GLB1L3: variants seen among roughly 807,000 people sequenced by gnomAD.
GLB1L3 encodes the protein galactosidase beta 1 like 3, also known as beta-galactosidase-1-like protein 3.
GLB1L3 carries 89 observed loss-of-function variants against 89.5 expected under a neutral mutation model. The ratio of observed to expected loss-of-function variants is 0.99; its 90% CI spans 0.84 to 1.19. The LOEUF (loss-of-function observed/expected upper bound fraction) is 1.19, where lower values mean the gene tolerates loss of function less well. Ranked by LOEUF, GLB1L3 falls within the 50% of genes most tolerant of loss-of-function variation. The probability of loss-of-function intolerance (pLI) is 0.00; values close to 1 mark genes in which losing one functional copy is unlikely to be tolerated. For synonymous variants in GLB1L3, 314 were observed against 312.3 expected (o/e 1.01, Z -0.06); for missense variants, 812 against 813.3 (o/e 1.00, Z 0.02).
intron 9 of GLB1L3, among the ~76,000 whole-genome samples, chr11:134,298,528 C>A (rs977891278): frequency 6.6e-6 from 1 of 152,074 alleles, no homozygotes; most frequent in African/African-American, 2.4e-5. Context: ...CCTAGAATTC[C>A]CATGTGTTGT....
intron 9 of GLB1L3, among the ~76,000 whole-genome samples, chr11:134,295,899 T>G (rs1408073452): frequency 6.6e-6 from 1 of 152,182 alleles, no homozygotes. Context: ...GCTGTTTCAT[T>G]TTTGAATCTT....
At position 134,289,682 on chromosome 11, in the gene GLB1L3, A is replaced by G. The variant is rs533600163; in HGVS notation, c.729+792A>G. ...TAAATAATGCTTCAAGAACTTAGTG[A>G]TGGGACTCTCAGCTTGAAGCTTTCT... On this transcript the variant is annotated intron_variant, in intron 7 of 19. Coordinates refer to ENST00000431683, the MANE Select transcript of GLB1L3 (RefSeq NM_001080407.3). Among the ~76,000 whole-genome samples, 389 of 152,326 alleles carry G rather than the reference A, an allele frequency of 2.6e-3. 1 individual carries two copies. Among genetic ancestry groups the G allele is most frequent in the Non-Finnish European group, 3.9e-3 (265 of 68,024 alleles).
chr11:134,312,086 T>G (rs1321345038), intron 13 of GLB1L3: 4 of 397,430 alleles, frequency 1.0e-5, no homozygotes, highest in Non-Finnish European at 1.3e-5. Flanking sequence ...CGTGAGCCCC[T>G]GCGCCCCATC....
At chr11:134,304,227 C>G (rs1314085110) in intron 9 of GLB1L3, among the ~76,000 whole-genome samples, 18 of 152,070 alleles carry the variant, frequency 1.2e-4, no homozygotes, top group Non-Finnish European at 7.4e-5. Context: ...TCTACTTATG[C>G]TGCTATTTGG....
chr11:134,304,991 C>T, intron 9 of GLB1L3: 1 of 966,064 alleles, frequency 1.0e-6, no homozygotes. Flanking sequence ...TGAGAGCCCG[C>T]ATGCGACTGC....
chr11:134,304,533 A>G (rs1188243423), intron 9 of GLB1L3, among the ~76,000 whole-genome samples: 1 of 151,820 alleles, frequency 6.6e-6, no homozygotes. Context: ...CTCTCTGTTC[A>G]TTTTAACTGT....
At chr11:134,302,787 A>G (rs1406158802) in intron 9 of GLB1L3, among the ~76,000 whole-genome samples, 1 of 152,158 alleles carries the variant, frequency 6.6e-6, no homozygotes, top group Non-Finnish European at 1.5e-5. Flanking sequence ...TGTGTTTGTA[A>G]TGAATGTATT....
At chr11:134,314,547 T>C (rs181821895) in intron 18 of GLB1L3, 106 bp downstream of exon 18, 2 of 726,422 alleles carry the variant, frequency 2.8e-6, no homozygotes, top group East Asian at 5.4e-5. Flanking sequence ...CTTTCTTCTT[T>C]TCCTCTTCTT....
chr11:134,308,214 C>CCAT (rs1424313827), intron 10 of GLB1L3, among the ~76,000 whole-genome samples: 2 of 28,580 alleles, frequency 7.0e-5, no homozygotes, highest in Non-Finnish European at 1.5e-4. Flanking sequence ...ACCACCACCA[C>CCAT]CATCACCATC....
chr11:134,315,995 A>G (rs1433280235), intron 18 of GLB1L3, among the ~76,000 whole-genome samples: 1 of 152,202 alleles, frequency 6.6e-6, no homozygotes, highest in Non-Finnish European at 1.5e-5. Context: ...AAATTACATA[A>G]CATAAAATTA....
downstream of GLB1L3, among the ~76,000 whole-genome samples, chr11:134,320,100 T>C (rs557386022): frequency 2.0e-4 from 30 of 152,288 alleles, no homozygotes; most frequent in Non-Finnish European, 3.4e-4. Flanking sequence ...CCAAGCACTT[T>C]CTTATATACA....
chr11:134,312,771 TC>T (rs1942803061), intron 14 of GLB1L3, 44 bp from the exon 15 acceptor site: 1 of 1,518,438 alleles, frequency 6.6e-7, no homozygotes, highest in African/African-American at 1.4e-5. Context: ...CTTCTCCCTT[TC>T]TTCGGGTGGG....
rs1385476433 is a variant in GLB1L3, at chr11:134,309,659, A to G, written c.995A>G (p.Tyr332Cys). 1.2e-6 allele frequency: 2 copies of G among 1,609,408 alleles called. No homozygotes were observed. The highest frequency in any genetic ancestry group is 1.7e-5 in the Admixed American group (1 of 59,754). Residue 332 changes from tyrosine (Y) to cysteine (C), a missense_variant, in exon 11 of 20, where the codon TAT (tyrosine) becomes TGT (cysteine). Transcript: ENST00000431683. ...CATGCTGTGTCTGAATTCATCAAAT[A>G]TGAGATCTCCTTCAATGTATATATG... Reference protein sequence around the residue: ...VEHAVSEFIKYEISFNVYMFH... With the variant: ...VEHAVSEFIKCEISFNVYMFH...
intron 6 of GLB1L3, chr11:134,287,419 TG>T (rs1315731215): frequency 1.4e-4 from 22 of 152,226 alleles, no homozygotes; most frequent in Non-Finnish European, 1.5e-5. Flanking sequence ...TTTACGGAAT[TG>T]GTTGTCATTA....
intron 9 of GLB1L3, among the ~76,000 whole-genome samples, chr11:134,300,246 T>G (rs1941867567): frequency 6.6e-6 from 1 of 152,016 alleles, no homozygotes; most frequent in African/African-American, 2.4e-5. Context: ...TCACATGATC[T>G]CTTCTCTGTG....
chr11:134,318,836 G>C (rs1265006883), intron 19 of GLB1L3, 41 bp from the exon 20 acceptor site: 1 of 1,576,512 alleles, frequency 6.3e-7, no homozygotes, highest in East Asian at 2.2e-5. Flanking sequence ...GTACTAAATA[G>C]GCTTCACCTT....
At chr11:134,310,338 G>C (rs952377257) in intron 11 of GLB1L3, 1 of 541,856 alleles carries the variant, frequency 1.8e-6, no homozygotes, top group Non-Finnish European at 3.3e-6. Flanking sequence ...GCATTAGAAA[G>C]TGAAGAAGTG....
chr11:134,283,940 A>G lies in GLB1L3; in HGVS notation c.636+95A>G, dbSNP rs1225842425. 5.4e-5 allele frequency: 39 copies of G among 727,466 alleles called. 2 individuals carry two copies. The highest frequency in any genetic ancestry group is 9.0e-5 in the Non-Finnish European group (37 of 412,012). The allele number at this position is 727,466 out of a possible 1,614,324, so 45.1% of individuals were successfully genotyped here. ...ACTGAAGAGGCCACATGCAGTCTCC[A>G]TGAACAATTGAGTTGACTTTCTTGT... On this transcript the variant is annotated intron_variant, in intron 6 of 19. Transcript: ENST00000431683.
chr11:134,308,380 TCACCACCATCAC>T (rs1565413439), intron 10 of GLB1L3, among the ~76,000 whole-genome samples: 1 of 17,526 alleles, frequency 5.7e-5, no homozygotes, highest in Non-Finnish European at 1.1e-4. Context: ...ACCACCACCA[TCACCACCATCAC>T]CACCATCACC....
Sources: allele counts gnomAD v4.1 joint callset (sites outside exome capture counted in the v4.1 genomes callset), GRCh38; gene constraint gnomAD v4.1.1; transcripts MANE v1.5; gene names NCBI Gene and HGNC (gene_info 2026-07-23, HGNC 2026-07-21).